COG5: variants seen among roughly 807,000 people sequenced by gnomAD.
COG5 encodes conserved oligomeric Golgi complex subunit 5.
In COG5, 86 loss-of-function variants were observed where a neutral mutation model predicts 110.4. The observed-to-expected ratio is 0.78, with a 90% CI of 0.65 to 0.93. COG5 has a LOEUF of 0.93. Ranked by LOEUF, COG5 falls within the 40% of genes least tolerant of loss-of-function variation. The pLI is 0.00. For synonymous variants in COG5, 360 were observed against 334.6 expected (o/e 1.08, Z -0.83); for missense variants, 1,077 against 987.0 (o/e 1.09, Z -1.22).
intron 5 of COG5, among the ~76,000 whole-genome samples, chr7:107,530,204 A>T (rs1292340853): frequency 6.6e-6 from 1 of 152,112 alleles, no homozygotes; most frequent in African/African-American, 2.4e-5. Flanking sequence ...TACAAGCATC[A>T]CCCTAATCCA....
chr7:107,346,528 AT>A lies in COG5; in HGVS notation c.1026+15504del, dbSNP rs774201393. 1.2e-4 allele frequency among the ~76,000 whole-genome samples: 18 copies of A among 152,088 alleles called. No homozygotes were observed. In the East Asian group the frequency reaches 3.3e-3, roughly 28 times the overall value. On this transcript the variant is annotated intron_variant, in intron 10 of 21. Transcript: ENST00000297135. ...ACTTTTCTCTATGGGTCATACGGTG[AT>A]TTTTTTTAAAGTCTAAGCATTCCCT...
intron 11 of COG5, among the ~76,000 whole-genome samples, chr7:107,307,167 T>C (rs1181433760): frequency 6.6e-6 from 1 of 152,204 alleles, no homozygotes; most frequent in Admixed American, 6.5e-5. Flanking sequence ...GACTTTCAAC[T>C]GCCACAACAC....
intron 8 of COG5, among the ~76,000 whole-genome samples, chr7:107,369,195 T>C (rs1813894405): frequency 6.6e-6 from 1 of 152,190 alleles, no homozygotes; most frequent in Admixed American, 6.5e-5. Context: ...TGGTCTGTCA[T>C]ATTCTTAGGC....
chr7:107,279,652 T>C (rs1478388678), intron 14 of COG5, among the ~76,000 whole-genome samples: 1 of 152,100 alleles, frequency 6.6e-6, no homozygotes, highest in African/African-American at 2.4e-5. Context: ...CAATAATATA[T>C]TTTTAAAAAT....
Position 107,203,508 on chromosome 7 carries a change from T to A in COG5, c.*8A>T. The A allele has an allele frequency of 6.3e-7, 1 of 1,589,476 alleles. No individual in the cohort carries two copies. The highest frequency in any genetic ancestry group is 8.6e-7 in the Non-Finnish European group (1 of 1,157,460). On this transcript the variant is annotated 3_prime_UTR_variant, in exon 22 of 22. Transcript: ENST00000297135. The stretch of plus-strand genomic sequence containing the variant: ...CACAAAGTGGAGATGAACAAAGATT[T>A]CATGTCATTACTGAAGAGCAGACAT...
At chr7:107,282,183 C>T (rs1290536913) in intron 13 of COG5, among the ~76,000 whole-genome samples, 1 of 152,092 alleles carries the variant, frequency 6.6e-6, no homozygotes, top group African/African-American at 2.4e-5. Context: ...AATACTAGAG[C>T]ATACTATGTG....
intron 11 of COG5, among the ~76,000 whole-genome samples, chr7:107,310,522 G>A (rs1411506463): frequency 6.6e-6 from 1 of 152,176 alleles, no homozygotes. Context: ...TGCTGCAGTC[G>A]CTAATGGCAG....
At chr7:107,234,578 T>TCCTACAGCACTCTCGTGCA (rs1801026225) in intron 18 of COG5, among the ~76,000 whole-genome samples, 1 of 152,170 alleles carries the variant, frequency 6.6e-6, no homozygotes, top group African/African-American at 2.4e-5. Context: ...ACTCTCGTTT[T>TCCTACAGCACTCTCGTGCA]GGCCATCTCC....
intron 12 of COG5, among the ~76,000 whole-genome samples, chr7:107,292,607 C>T (rs997801264): frequency 3.0e-4 from 45 of 152,074 alleles, no homozygotes; most frequent in Admixed American, 9.8e-4. Context: ...GACAAGATAA[C>T]GAAGGAATTC....
chr7:107,533,437 A>C (rs1382658402), intron 5 of COG5, among the ~76,000 whole-genome samples: 1 of 151,536 alleles, frequency 6.6e-6, no homozygotes. Flanking sequence ...AGGTTAGAGG[A>C]ATTGCTAACT....
rs6967752 is a variant in COG5, at chr7:107,210,115, G to C, written c.2375+411C>G. 4.4e-3 allele frequency: 4,644 copies of C among 1,058,384 alleles called. 161 individuals carry two copies. In the African/African-American group the frequency reaches 0.069, roughly 16 times the overall value. 65.6% of individuals were successfully genotyped at this position (1,058,384 alleles called of 1,614,324 possible). A position where few individuals can be genotyped will look rare whatever the true frequency, so the allele number is the denominator to read the frequency against. ...CTGGGTTGTTCTTGTTTCCTCCTCAGAACTGTTTCGCACTTGGGTATTTTT... is the reference window on the plus strand; with the variant it reads ...CTGGGTTGTTCTTGTTTCCTCCTCACAACTGTTTCGCACTTGGGTATTTTT... On this transcript the variant is annotated intron_variant, in intron 21 of 21. Transcript: ENST00000297135.
chr7:107,370,261 A>G (rs2129049255), intron 8 of COG5, among the ~76,000 whole-genome samples: 1 of 152,216 alleles, frequency 6.6e-6, no homozygotes, highest in South Asian at 2.1e-4. Context: ...ACACACACTG[A>G]CAGAATCCTA....
intron 6 of COG5, among the ~76,000 whole-genome samples, chr7:107,454,208 C>T (rs1312771600): frequency 6.6e-6 from 1 of 152,066 alleles, no homozygotes; most frequent in Non-Finnish European, 1.5e-5. Context: ...AAAAGAACAA[C>T]ATGAATACAA....
In COG5 at chr7:107,201,775, G is replaced by A. The variant is rs554148267; in HGVS notation, c.*1741C>T. On this transcript the variant is annotated 3_prime_UTR_variant, in exon 22 of 22. Transcript: ENST00000297135. Reference sequence around the variant, plus strand: ...ATACATGTTTTATTTTAAATTGTACGAAAGGGGAATTTAAAAAATATGTAA... The same window carrying A: ...ATACATGTTTTATTTTAAATTGTACAAAAGGGGAATTTAAAAAATATGTAA... 78 of 207,468 alleles carry A rather than the reference G, an allele frequency of 3.8e-4. No individual in the cohort carries two copies. The highest frequency in any genetic ancestry group is 1.1e-3 in the African/African-American group (49 of 43,652). 12.9% of individuals were successfully genotyped at this position (207,468 alleles called of 1,614,324 possible).
chr7:107,515,866 GA>G (rs1270392554), intron 6 of COG5, among the ~76,000 whole-genome samples: 1 of 152,150 alleles, frequency 6.6e-6, no homozygotes, highest in East Asian at 1.9e-4. Flanking sequence ...TTCTAAGCCA[GA>G]AAGAGTAAGA....
chr7:107,371,109 A>G (rs999704040), intron 8 of COG5, among the ~76,000 whole-genome samples: 1 of 152,130 alleles, frequency 6.6e-6, no homozygotes, highest in African/African-American at 2.4e-5. Context: ...CAAGAGTAAA[A>G]TCTCCTCTGG....
chr7:107,298,252 C>G lies in COG5; in HGVS notation c.1203G>C (p.Gln401His), dbSNP rs981757188. 2 of 1,613,162 alleles carry G rather than the reference C, an allele frequency of 1.2e-6. No homozygotes were observed. Among genetic ancestry groups the G allele is most frequent in the Admixed American group, 1.7e-5 (1 of 60,006 alleles). ...DLWKRLQQYS[Q>H]HIQGNFNASG... The stretch of plus-strand genomic sequence containing the variant: ...TTGCATTAAAATTCCCTTGGATATG[C>G]TGACTGTATTGTTGAAGACGCTTCC... The change falls in exon 12 of 22, where the codon CAG becomes CAC. Residue 401 changes from glutamine (Q) to histidine (H), a missense_variant. Coordinates refer to ENST00000297135, the MANE Select transcript of COG5 (RefSeq NM_006348.5).
Position 107,474,564 on chromosome 7 carries a change from T to G in COG5, c.538+52673A>C. Reference sequence around the variant, plus strand: ...TAATGATATCCATTTGGATTTTTTCTTTTTTCTCTTTCCTGATTCCTTTTA... The same window carrying G: ...TAATGATATCCATTTGGATTTTTTCGTTTTTCTCTTTCCTGATTCCTTTTA... On this transcript the variant is annotated intron_variant, in intron 6 of 21. Coordinates refer to ENST00000297135, the MANE Select transcript of COG5 (RefSeq NM_006348.5). This position sits in a 1 kb window ranked among gnomAD's most constrained non-coding sequence, Gnocchi z 5.7. 6.2e-7 allele frequency: 1 copy of G among 1,611,042 alleles called. No individual in the cohort carries two copies. The highest frequency in any genetic ancestry group is 8.5e-7 in the Non-Finnish European group (1 of 1,178,614).
At chr7:107,234,778 C>A (rs1426405155) in intron 18 of COG5, among the ~76,000 whole-genome samples, 2 of 146,588 alleles carry the variant, frequency 1.4e-5, no homozygotes, top group East Asian at 4.0e-4. Context: ...ATAGTTCACA[C>A]TTTTTTTTTT....
Sources: allele counts gnomAD v4.1 joint callset (sites outside exome capture counted in the v4.1 genomes callset), GRCh38; gene constraint gnomAD v4.1.1; non-coding constraint Gnocchi (gnomAD v3.1); transcripts MANE v1.5; gene names NCBI Gene and HGNC (gene_info 2026-07-23, HGNC 2026-07-21).